The following NAV3 variants were observed in gnomAD, a reference collection of about 807,000 sequenced individuals.
NAV3 encodes neuron navigator 3, also known as pore membrane and/or filament interacting like protein 1.
NAV3 carries 87 observed loss-of-function variants against 244.7 expected under a neutral mutation model. That is an observed-to-expected ratio of 0.36 (90% confidence interval 0.30 to 0.42). NAV3 has a LOEUF of 0.42. Among genes scored for constraint, NAV3 ranks in the 20% least tolerant of loss-of-function variants. The pLI is 1.00. For missense variants in NAV3, 2,663 were observed against 2,893.3 expected, an observed-to-expected ratio of 0.92 and a Z score of 1.83; for synonymous variants, 1,126 against 1,042.2, an observed-to-expected ratio of 1.08 and a Z score of -1.55.
intron 14 of NAV3, among the ~76,000 whole-genome samples, chr12:78,118,714 A>T (rs976797307): frequency 1.3e-5 from 2 of 152,234 alleles, no homozygotes; most frequent in African/African-American, 4.8e-5. Context: ...GACACTAATC[A>T]ATTGGAATGC....
intron 2 of NAV3, among the ~76,000 whole-genome samples, chr12:77,654,907 T>C (rs550691344): frequency 6.9e-5 from 10 of 145,100 alleles, no homozygotes; most frequent in African/African-American, 2.7e-4. Context: ...TCCTGTCTGT[T>C]AGGAGGAAAA....
intron 1 of NAV3, among the ~76,000 whole-genome samples, chr12:77,841,699 A>G (rs1875679361): frequency 6.6e-6 from 1 of 152,206 alleles, no homozygotes; most frequent in South Asian, 2.1e-4. Flanking sequence ...AATAGAGACT[A>G]TGTGGCTTGC....
intron 1 of NAV3, among the ~76,000 whole-genome samples, chr12:77,919,023 GA>G (rs1371579458): frequency 2.6e-5 from 4 of 151,934 alleles, no homozygotes; most frequent in Non-Finnish European, 5.9e-5. Context: ...TTCAAACAAG[GA>G]AAAAGAATGA....
chr12:77,724,004 G>T (rs1220919889), intron 2 of NAV3, among the ~76,000 whole-genome samples: 1 of 151,544 alleles, frequency 6.6e-6, no homozygotes, highest in African/African-American at 2.4e-5. Flanking sequence ...AATTTTAAAT[G>T]CCAAATAAAT....
At chr12:77,766,192 A>T (rs1869743291) in intron 2 of NAV3, among the ~76,000 whole-genome samples, 1 of 152,210 alleles carries the variant, frequency 6.6e-6, no homozygotes, top group Non-Finnish European at 1.5e-5. Flanking sequence ...CACACTAGGG[A>T]AAAGAAGGAG....
At chr12:77,935,609 G>A (rs1824881) in intron 1 of NAV3, among the ~76,000 whole-genome samples, 71,428 of 151,980 alleles carry the variant, frequency 0.47, 17,471 homozygotes, top group South Asian at 0.64. Flanking sequence ...ATATTCCAAA[G>A]TAGAAATTCA....
At chr12:77,982,615 A>C (rs1048930747) in intron 5 of NAV3, among the ~76,000 whole-genome samples, 1 of 152,200 alleles carries the variant, frequency 6.6e-6, no homozygotes, top group African/African-American at 2.4e-5. Flanking sequence ...TTGCTGCTTT[A>C]CAAAAGCATC....
At chr12:78,106,042 AT>A (rs1207892477) in intron 12 of NAV3, among the ~76,000 whole-genome samples, 3 of 151,630 alleles carry the variant, frequency 2.0e-5, no homozygotes, top group Non-Finnish European at 2.9e-5. Flanking sequence ...AGAGGAAAAA[AT>A]ATCTGTTAGC....
intron 12 of NAV3, among the ~76,000 whole-genome samples, chr12:78,114,389 C>T (rs1320712348): frequency 1.4e-4 from 21 of 151,914 alleles, no homozygotes; most frequent in Admixed American, 1.4e-3. Context: ...AAAGACATAC[C>T]CAAGGCTGGG....
At chr12:77,733,988 TTTTG>T (rs746886970) in intron 2 of NAV3, among the ~76,000 whole-genome samples, 14 of 151,762 alleles carry the variant, frequency 9.2e-5, no homozygotes, top group South Asian at 6.2e-4. Flanking sequence ...AAGTCAAGAT[TTTTG>T]TTTGTTTGTT....
At chr12:77,815,460 T>C (rs1208393647) in intron 2 of NAV3, among the ~76,000 whole-genome samples, 1 of 152,164 alleles carries the variant, frequency 6.6e-6, no homozygotes. Context: ...ACACAGTAAA[T>C]ATTGACTTTT....
chr12:78,023,166 A>G (rs1424615588), intron 9 of NAV3, among the ~76,000 whole-genome samples: 1 of 152,208 alleles, frequency 6.6e-6, no homozygotes, highest in Non-Finnish European at 1.5e-5. Flanking sequence ...TTAGCACTAG[A>G]GCTCAAATCT....
intron 23 of NAV3, among the ~76,000 whole-genome samples, chr12:78,162,622 G>A (rs577068175): frequency 6.6e-6 from 1 of 151,508 alleles, no homozygotes; most frequent in East Asian, 1.9e-4. Context: ...CTAGCACTTT[G>A]AAAGGCCAAG....
chr12:77,577,496 C>T (rs1299896132), intron 2 of NAV3, among the ~76,000 whole-genome samples: 1 of 152,124 alleles, frequency 6.6e-6, no homozygotes, highest in African/African-American at 2.4e-5. Context: ...GGGACATATG[C>T]ATACTTTATG....
intron 1 of NAV3, among the ~76,000 whole-genome samples, chr12:77,867,202 T>C (rs1038241643): frequency 3.9e-5 from 6 of 152,172 alleles, no homozygotes; most frequent in Admixed American, 2.0e-4. Context: ...CATAGTGTTC[T>C]TGTGGTTGTT....
At chr12:78,125,359 T>C (rs947314498) in intron 16 of NAV3, among the ~76,000 whole-genome samples, 2 of 150,130 alleles carry the variant, frequency 1.3e-5, no homozygotes, top group Non-Finnish European at 3.0e-5. Context: ...TTGTTTAAAT[T>C]CCTCTTCATT....
At chr12:77,685,234 A>G (rs977395768) in intron 2 of NAV3, among the ~76,000 whole-genome samples, 1 of 152,196 alleles carries the variant, frequency 6.6e-6, no homozygotes, top group African/African-American at 2.4e-5. Context: ...TAAATCTTTT[A>G]ACCAGGCTTC....
At chr12:77,994,765 A>T (rs1872068202) in intron 5 of NAV3, 38 bp from the exon 6 acceptor site, 9 of 1,521,344 alleles carry the variant, frequency 5.9e-6, no homozygotes, top group Non-Finnish European at 7.2e-6. Flanking sequence ...TGTTCAAAGA[A>T]TCTCTTTAAT....
At chr12:77,975,641 C>T (rs191643608) in intron 5 of NAV3, among the ~76,000 whole-genome samples, 30 of 152,268 alleles carry the variant, frequency 2.0e-4, no homozygotes, top group African/African-American at 6.0e-4. Context: ...GAATTAAGAG[C>T]CTGTCTGCTT....
Sources: allele counts gnomAD v4.1 joint callset (sites outside exome capture counted in the v4.1 genomes callset), GRCh38; gene constraint gnomAD v4.1.1; transcripts MANE v1.5; gene names NCBI Gene and HGNC (gene_info 2026-07-23, HGNC 2026-07-21).